Variants in USP32 observed in about 807,000 individuals in gnomAD.
USP32 encodes the protein ubiquitin carboxyl-terminal hydrolase 32.
USP32 carries 59 observed loss-of-function variants against 204.8 expected under a neutral mutation model. The ratio of observed to expected loss-of-function variants is 0.29; its 90% CI spans 0.23 to 0.36. The LOEUF (loss-of-function observed/expected upper bound fraction) is 0.36, where lower values mean the gene tolerates loss of function less well. USP32 is among the 10% of genes least tolerant of loss of function. USP32 has a pLI of 1.00. For missense variants in USP32, 1,160 were observed against 1,946.4 expected, an observed-to-expected ratio of 0.60 and a Z score of 7.60; for synonymous variants, 517 against 678.4, an observed-to-expected ratio of 0.76 and a Z score of 3.70.
At chr17:60,402,898 A>G (rs995478342) in intron 1 of USP32, among the ~76,000 whole-genome samples, 1 of 152,086 alleles carries the variant, frequency 6.6e-6, no homozygotes, top group African/African-American at 2.4e-5. Flanking sequence ...AGTTGTCATA[A>G]AAACAGCCCA....
intron 1 of USP32, among the ~76,000 whole-genome samples, chr17:60,375,034 G>C (rs1347131985): frequency 6.6e-6 from 1 of 152,192 alleles, no homozygotes; most frequent in East Asian, 1.9e-4. Flanking sequence ...TTGGTGATGA[G>C]ATCATTAGTG....
intron 31 of USP32, among the ~76,000 whole-genome samples, chr17:60,182,863 G>A (rs1187796674): frequency 6.6e-6 from 1 of 152,112 alleles, no homozygotes; most frequent in Non-Finnish European, 1.5e-5. Context: ...TGCTATAAGG[G>A]GACAAGACAG....
Position 60,219,709 on chromosome 17 carries a change from C to T in USP32, c.1828G>A (p.Ala610Thr). The T allele has an allele frequency of 6.2e-7, 1 of 1,613,220 alleles. No individual in the cohort carries two copies. Among genetic ancestry groups the T allele is most frequent in the Non-Finnish European group, 8.5e-7 (1 of 1,179,744 alleles). ...ATGTTAGACTGCTGTGTCCGAGTGG[C>T]AGGCTGCTGTCTCAGGAAGAGAAGA... ...RYLLFLRQQP[A>T]TRTQQSNIWV... The change falls in exon 16 of 34, where the codon GCC becomes ACC. Residue 610 changes from alanine to threonine, a missense_variant. Coordinates refer to ENST00000300896, the MANE Select transcript of USP32 (RefSeq NM_032582.4).
intron 9 of USP32, 45 bp from the exon 10 acceptor site, chr17:60,255,303 T>C (rs753790481): frequency 4.6e-5 from 67 of 1,454,704 alleles, no homozygotes; most frequent in South Asian, 2.5e-4. Context: ...TTTTTCTTTT[T>C]TTTTTTTTTT....
chr17:60,401,541 A>C (rs2089935303), intron 1 of USP32, among the ~76,000 whole-genome samples: 1 of 151,870 alleles, frequency 6.6e-6, no homozygotes, highest in African/African-American at 2.4e-5. Context: ...ATTTGTTCTA[A>C]AAGAATGTGT....
intron 1 of USP32, among the ~76,000 whole-genome samples, chr17:60,360,341 T>C (rs751707132): frequency 2.2e-4 from 34 of 151,906 alleles, no homozygotes; most frequent in Admixed American, 4.6e-4. Context: ...TTTGTATTTT[T>C]ACAAATACAA....
intron 1 of USP32, among the ~76,000 whole-genome samples, chr17:60,374,805 T>A (rs1237269100): frequency 6.6e-6 from 1 of 152,220 alleles, no homozygotes; most frequent in Admixed American, 6.5e-5. Context: ...GCAATAGGAA[T>A]TTTTCAGCTC....
At chr17:60,416,547 T>C (rs928197472) in intron 1 of USP32, among the ~76,000 whole-genome samples, 1 of 152,166 alleles carries the variant, frequency 6.6e-6, no homozygotes, top group African/African-American at 2.4e-5. Context: ...TGATTTGCCC[T>C]ATAGAGTCAT....
chr17:60,188,067 ATC>A (rs974949211), intron 29 of USP32, among the ~76,000 whole-genome samples: 1 of 151,842 alleles, frequency 6.6e-6, no homozygotes, highest in Non-Finnish European at 1.5e-5. Context: ...TGCAGCCTTG[ATC>A]TCTTGGGTTC....
At chr17:60,222,312 G>C in intron 15 of USP32, 97 bp downstream of exon 15, 3 of 1,349,630 alleles carry the variant, frequency 2.2e-6, no homozygotes, top group African/African-American at 1.4e-5. Context: ...CACAAGGTAA[G>C]AGCTACTTTG....
chr17:60,422,403 C>T, exon 1 of USP32: 2 of 1,422,312 alleles, frequency 1.4e-6, no homozygotes, highest in Non-Finnish European at 9.4e-7. Flanking sequence ...GCTGCAGCCA[C>T]CCCTAAGAAT....
chr17:60,281,740 GAC>G (rs1369674236), intron 5 of USP32, among the ~76,000 whole-genome samples: 1 of 152,148 alleles, frequency 6.6e-6, no homozygotes, highest in African/African-American at 2.4e-5. Context: ...TAGTCTGTGT[GAC>G]ACAGAGGTTG....
intron 2 of USP32, among the ~76,000 whole-genome samples, chr17:60,339,555 C>T (rs1251590844): frequency 2.0e-5 from 3 of 148,916 alleles, no homozygotes; most frequent in Non-Finnish European, 4.4e-5. Context: ...TGCACTCCAC[C>T]CTGGGCAACA....
At chr17:60,272,263 G>A (rs1222762503) in intron 5 of USP32, among the ~76,000 whole-genome samples, 20 of 152,076 alleles carry the variant, frequency 1.3e-4, no homozygotes, top group Non-Finnish European at 7.4e-5. Context: ...AATACTTATT[G>A]AATAAATGAA....
chr17:60,275,094 T>G (rs572499220), intron 5 of USP32, among the ~76,000 whole-genome samples: 16 of 152,356 alleles, frequency 1.1e-4, no homozygotes, highest in African/African-American at 3.8e-4. Flanking sequence ...TTTTGTTCCC[T>G]GTTACAGTCT....
chr17:60,202,068 A>G (rs2084691333), intron 26 of USP32, among the ~76,000 whole-genome samples: 1 of 152,076 alleles, frequency 6.6e-6, no homozygotes, highest in Non-Finnish European at 1.5e-5. Flanking sequence ...TTTGCTTTCA[A>G]ATTTAGCTCT....
upstream of USP32, chr17:60,392,206 T>G (rs2089853250): frequency 1.6e-4 from 63 of 384,922 alleles, no homozygotes; most frequent in Middle Eastern, 2.9e-3. Flanking sequence ...CTCCCTCTCC[T>G]TCCCTCCTCA....
At chr17:60,308,856 G>A (rs564227901) in intron 2 of USP32, among the ~76,000 whole-genome samples, 1 of 152,304 alleles carries the variant, frequency 6.6e-6, no homozygotes, top group East Asian at 1.9e-4. Context: ...CTAAACCCAG[G>A]AGGCGGAGGT....
At chr17:60,261,036 G>A (rs185572485) in intron 9 of USP32, among the ~76,000 whole-genome samples, 18 of 152,292 alleles carry the variant, frequency 1.2e-4, no homozygotes, top group Admixed American at 7.2e-4. Flanking sequence ...AACTCATTCA[G>A]GAGTTTTACA....
Sources: gnomAD v4.1 joint callset for allele counts (sites outside exome capture counted in the v4.1 genomes callset) on GRCh38, gnomAD v4.1.1 for gene constraint, MANE v1.5 for transcripts, NCBI Gene and HGNC (gene_info 2026-07-23, HGNC 2026-07-21) for gene names.